Variants in SWAP70 observed in about 807,000 individuals in gnomAD.
SWAP70 encodes switch-associated protein 70.
In SWAP70, 34 loss-of-function variants were observed where a neutral mutation model predicts 80.2. The observed-to-expected ratio is 0.42, with a 90% CI of 0.32 to 0.56. The LOEUF (loss-of-function observed/expected upper bound fraction) is 0.56. Ranked by LOEUF, SWAP70 falls within the 20% of genes least tolerant of loss-of-function variation. The probability of loss-of-function intolerance (pLI) is 0.09; values close to 1 mark genes in which losing one functional copy is unlikely to be tolerated. For missense variants in SWAP70, 578 were observed against 690.7 expected (o/e 0.84, Z 1.83); for synonymous variants, 239 against 238.5 (o/e 1.00, Z -0.02).
intron 4 of SWAP70, among the ~76,000 whole-genome samples, chr11:9,726,462 C>CTACAAAGAGGTATGAGACGTGG (rs1851226704): frequency 6.6e-6 from 1 of 152,070 alleles, no homozygotes; most frequent in African/African-American, 2.4e-5. Context: ...GTTTTTGGTG[C>CTACAAAGAGGTATGAGACGTGG]TACAAAGAGG....
chr11:9,682,254 C>T (rs1184139366), intron 1 of SWAP70, among the ~76,000 whole-genome samples: 2 of 152,100 alleles, frequency 1.3e-5, no homozygotes, highest in Admixed American at 6.5e-5. Flanking sequence ...GCGGCTCACG[C>T]AGTAGAGACA....
chr11:9,711,230 G>T (rs1308289121), intron 2 of SWAP70, among the ~76,000 whole-genome samples: 1 of 152,104 alleles, frequency 6.6e-6, no homozygotes, highest in Non-Finnish European at 1.5e-5. Context: ...GCAGAATGTG[G>T]CTTTTAAAAT....
intron 2 of SWAP70, among the ~76,000 whole-genome samples, chr11:9,702,411 GTTT>G (rs56100709): frequency 0.1 from 15,367 of 147,458 alleles, 1,513 homozygotes; most frequent in African/African-American, 0.26. Context: ...GTTTTGTTTT[GTTT>G]TTTTTTTTGT....
intron 2 of SWAP70, among the ~76,000 whole-genome samples, chr11:9,708,270 G>A (rs1026744530): frequency 1.3e-5 from 2 of 152,152 alleles, no homozygotes; most frequent in African/African-American, 4.8e-5. Context: ...CAGTGTGCAA[G>A]GGTTCGAATT....
intron 5 of SWAP70, 138 bp from the exon 6 acceptor site, chr11:9,729,205 G>A (rs920881191): frequency 3.1e-6 from 2 of 646,170 alleles, no homozygotes; most frequent in Non-Finnish European, 5.4e-6. Context: ...TTAGGAAACA[G>A]CATTAGTAAA....
chr11:9,746,433 C>T (rs1216185237), intron 9 of SWAP70, among the ~76,000 whole-genome samples: 1 of 152,196 alleles, frequency 6.6e-6, no homozygotes, highest in Non-Finnish European at 1.5e-5. Flanking sequence ...CCTAGAAAAG[C>T]ACGTAGAAGG....
intron 11 of SWAP70, 151 bp downstream of exon 11, chr11:9,749,334 C>T (rs1403814832): frequency 1.9e-5 from 5 of 263,548 alleles, no homozygotes; most frequent in Non-Finnish European, 1.9e-5. Flanking sequence ...GCAAGCTCCG[C>T]CTCCTGGGTT....
At chr11:9,727,970 G>T in intron 4 of SWAP70, 83 bp from the exon 5 acceptor site, 1 of 1,280,356 alleles carries the variant, frequency 7.8e-7, no homozygotes, top group South Asian at 1.6e-5. Context: ...TCAAATAATG[G>T]AGTAGGCAAG....
chr11:9,702,986 G>A (rs1387461079), intron 2 of SWAP70, among the ~76,000 whole-genome samples: 1 of 152,012 alleles, frequency 6.6e-6, no homozygotes, highest in African/African-American at 2.4e-5. Flanking sequence ...ACCATTTAGT[G>A]GTTTTTTTGT....
chr11:9,675,708 A>T (rs1850490290), intron 1 of SWAP70, among the ~76,000 whole-genome samples: 1 of 92,890 alleles, frequency 1.1e-5, no homozygotes, highest in Non-Finnish European at 2.4e-5. Flanking sequence ...CCTTACCTTG[A>T]TTTTTTTTCT....
chr11:9,737,500 C>T (rs1851378071), intron 7 of SWAP70, among the ~76,000 whole-genome samples: 1 of 152,146 alleles, frequency 6.6e-6, no homozygotes, highest in Non-Finnish European at 1.5e-5. Flanking sequence ...GTCTGTGGAG[C>T]TCCTTATGCC....
rs1851552925 is a variant in SWAP70, at chr11:9,749,241, T to G, written c.1651+58T>G. On this transcript the variant is annotated intron_variant, in intron 11 of 11. Coordinates refer to ENST00000318950, the MANE Select transcript of SWAP70 (RefSeq NM_015055.4). ...TTTTTATTTTTCATTTTTATTTTAT[T>G]TAATTAATTTATTTATTTTGAGATG... 4 of 953,362 alleles carry G rather than the reference T, an allele frequency of 4.2e-6. No homozygotes were observed. In the African/African-American group the frequency reaches 5.3e-5, roughly 13 times the overall value. The allele number at this position is 953,362 out of a possible 1,614,324, so 59.1% of individuals were successfully genotyped here.
At chr11:9,727,916 G>T in intron 4 of SWAP70, 137 bp from the exon 5 acceptor site, 1 of 891,990 alleles carries the variant, frequency 1.1e-6, no homozygotes, top group Non-Finnish European at 1.6e-6. Context: ...TAGATTCTCA[G>T]AGGATCCAAG....
intron 1 of SWAP70, among the ~76,000 whole-genome samples, chr11:9,665,359 G>A (rs150028198): frequency 6.6e-6 from 1 of 152,076 alleles, no homozygotes; most frequent in Non-Finnish European, 1.5e-5. Context: ...TAGTCTGGAA[G>A]GGTCCATGGA....
intron 3 of SWAP70, among the ~76,000 whole-genome samples, chr11:9,715,997 C>T (rs1851061331): frequency 6.6e-6 from 1 of 152,216 alleles, no homozygotes. Flanking sequence ...GATACATTTG[C>T]ATTTTCAGCT....
intron 1 of SWAP70, among the ~76,000 whole-genome samples, chr11:9,684,798 A>G (rs1850610559): frequency 1.3e-5 from 2 of 152,236 alleles, no homozygotes; most frequent in African/African-American, 4.8e-5. Flanking sequence ...GAAATTTAAA[A>G]AAAGAAAAAA....
At chr11:9,743,726 C>T (rs7940708) in intron 9 of SWAP70, among the ~76,000 whole-genome samples, 14,823 of 151,550 alleles carry the variant, frequency 0.098, 1,845 homozygotes, top group East Asian at 0.28. Context: ...TCATGTCCTT[C>T]GCCCACTTTT....
At chr11:9,675,702 A>T (rs867052191) in intron 1 of SWAP70, among the ~76,000 whole-genome samples, 1 of 121,786 alleles carries the variant, frequency 8.2e-6, no homozygotes, top group African/African-American at 2.9e-5. Flanking sequence ...CCCTTTCCTT[A>T]CCTTGATTTT....
chr11:9,666,828 G>C (rs971527243), intron 1 of SWAP70, among the ~76,000 whole-genome samples: 2 of 150,110 alleles, frequency 1.3e-5, no homozygotes, highest in Non-Finnish European at 3.0e-5. Flanking sequence ...GGGTTCAAGC[G>C]ATTCTCCTGC....
Sources: allele counts gnomAD v4.1 joint callset (sites outside exome capture counted in the v4.1 genomes callset), GRCh38; gene constraint gnomAD v4.1.1; transcripts MANE v1.5; gene names NCBI Gene and HGNC (gene_info 2026-07-23, HGNC 2026-07-21).